Variants in ACOT1 observed in about 807,000 individuals in gnomAD.
ACOT1 encodes acyl-CoA thioesterase 1, also known as acyl-coenzyme A thioesterase 1.
In ACOT1, 8 loss-of-function variants were observed where a neutral mutation model predicts 15.7. That is an observed-to-expected ratio of 0.51 (90% CI 0.30 to 0.92). The LOEUF (loss-of-function observed/expected upper bound fraction) is 0.92. Ranked by LOEUF, ACOT1 falls within the 40% of genes least tolerant of loss-of-function variation. The pLI, the probability that ACOT1 is intolerant of heterozygous loss-of-function variation, is 0.06. For missense variants in ACOT1, 151 were observed against 539.4 expected, an observed-to-expected ratio of 0.28 and a Z score of 7.13; for synonymous variants, 67 against 241.2, an observed-to-expected ratio of 0.28 and a Z score of 6.69.
the ACOT1 span, among the ~76,000 whole-genome samples, chr14:73,524,311 ATAT>A: frequency 3.4e-3 from 181 of 52,624 alleles, no homozygotes; most frequent in Non-Finnish European, 4.9e-3. Flanking sequence ...AAAAAAAAAA[ATAT>A]ATATATATAT....
At chr14:73,509,856 A>ATT in the ACOT1 span, among the ~76,000 whole-genome samples, 18 of 61,320 alleles carry the variant, frequency 2.9e-4, 1 homozygote, top group African/African-American at 1.2e-3. Context: ...ATATATATAT[A>ATT]TATATATATA....
the ACOT1 span, chr14:73,491,630 C>A: frequency 6.5e-7 from 1 of 1,549,726 alleles, no homozygotes; most frequent in Non-Finnish European, 8.7e-7. Flanking sequence ...AGCGGCCCGC[C>A]TCTTTGAGTG....
the ACOT1 span, chr14:73,523,232 G>A: frequency 1.5e-6 from 2 of 1,364,424 alleles, no homozygotes; most frequent in Non-Finnish European, 2.0e-6. Flanking sequence ...CACCTGTTAA[G>A]GGAATGGGAG....
chr14:73,509,557 C>G, the ACOT1 span: 1 of 1,404,808 alleles, frequency 7.1e-7, no homozygotes, highest in Non-Finnish European at 1.0e-6. Flanking sequence ...CATGTGGTGG[C>G]CAACCTCAGT....
At chr14:73,530,683 C>T in the ACOT1 span, 1 of 122,768 alleles carries the variant, frequency 8.1e-6, no homozygotes, top group African/African-American at 2.7e-5. Flanking sequence ...GTCTCACTCT[C>T]CTGGAGTACA....
At chr14:73,520,717 G>A in the ACOT1 span, 1 of 765,626 alleles carries the variant, frequency 1.3e-6, no homozygotes, top group Non-Finnish European at 2.2e-6. Context: ...TGTGGGTGCT[G>A]GGTCATGAAC....
chr14:73,498,347 G>T, the ACOT1 span: 3 of 1,588,956 alleles, frequency 1.9e-6, no homozygotes, highest in Non-Finnish European at 2.6e-6. Flanking sequence ...TCCCAAAGCT[G>T]CAGAGATTAG....
the ACOT1 span, among the ~76,000 whole-genome samples, chr14:73,510,593 G>A: frequency 2.6e-5 from 4 of 152,006 alleles, no homozygotes; most frequent in South Asian, 2.1e-4. Flanking sequence ...CTGTCACCAC[G>A]CCTGGCTAAT....
At chr14:73,518,992 C>A in the ACOT1 span, 10 of 1,595,992 alleles carry the variant, frequency 6.3e-6, no homozygotes, top group Admixed American at 1.7e-5. Context: ...CCGTTATTAA[C>A]CCCTGCCTTC....
chr14:73,491,239 C>G, the ACOT1 span: 1 of 1,589,512 alleles, frequency 6.3e-7, no homozygotes, highest in Non-Finnish European at 8.6e-7. Flanking sequence ...CGGCCGACGA[C>G]CTGGGGGACG....
the ACOT1 span, among the ~76,000 whole-genome samples, chr14:73,512,599 G>A: frequency 3.3e-5 from 5 of 152,282 alleles, no homozygotes; most frequent in Non-Finnish European, 5.9e-5. Context: ...TATTCTTACT[G>A]TTAAATGAGT....
the ACOT1 span, among the ~76,000 whole-genome samples, chr14:73,496,350 TG>T: frequency 6.6e-6 from 1 of 152,218 alleles, no homozygotes; most frequent in Non-Finnish European, 1.5e-5. Flanking sequence ...ATAGTATTTC[TG>T]AAACAATGAG....
the ACOT1 span, chr14:73,509,417 A>T: frequency 1.2e-6 from 2 of 1,614,002 alleles, no homozygotes; most frequent in African/African-American, 2.7e-5. Context: ...TTCTTGTCAC[A>T]AAGAGCAGCC....
chr14:73,492,389 T>C, the ACOT1 span: 1 of 1,613,718 alleles, frequency 6.2e-7, no homozygotes, highest in Non-Finnish European at 8.5e-7. The surrounding 1 kb of genome is among the most constrained non-coding windows in gnomAD (Gnocchi z 4.9). Context: ...GCCCCGAGAC[T>C]TCATGGATTA....
chr14:73,511,982 A>C, the ACOT1 span: 6 of 1,613,462 alleles, frequency 3.7e-6, no homozygotes, highest in African/African-American at 6.7e-5. Flanking sequence ...TTATGTTCTC[A>C]AGCAGTTCAG....
the ACOT1 span, among the ~76,000 whole-genome samples, chr14:73,506,804 G>GTT: frequency 4.8e-4 from 39 of 80,480 alleles, 3 homozygotes; most frequent in East Asian, 4.0e-3. Context: ...GACTTTAACT[G>GTT]TTTTTTTTTT....
the ACOT1 span, among the ~76,000 whole-genome samples, chr14:73,509,809 CCCATATATATATATATAT>C: frequency 2.1e-3 from 11 of 5,190 alleles, 2 homozygotes; most frequent in Non-Finnish European, 2.9e-3. Flanking sequence ...GCCCCATGAG[CCCATATATATATATATAT>C]ATATATATAT....
chr14:73,535,462 CTTCTTTCTTTTTTTTTTTTT>C (rs1888826316), upstream of ACOT1, among the ~76,000 whole-genome samples: 25 of 59,330 alleles, frequency 4.2e-4, 7 homozygotes, highest in South Asian at 6.4e-4. Context: ...TTTTCTTTTT[CTTCTTTCTTTTTTTTTTTTT>C]TTTTTTTTTT....
chr14:73,503,602 CCTCAAAAGCAT>C, the ACOT1 span, among the ~76,000 whole-genome samples: 3 of 152,110 alleles, frequency 2.0e-5, no homozygotes, highest in African/African-American at 7.2e-5. Context: ...TTAGGATTTA[CCTCAAAAGCAT>C]CTCCTTCCTA....
Sources: allele counts gnomAD v4.1 joint callset (sites outside exome capture counted in the v4.1 genomes callset), GRCh38; gene constraint gnomAD v4.1.1; non-coding constraint Gnocchi (gnomAD v3.1); transcripts MANE v1.5; gene names NCBI Gene and HGNC (gene_info 2026-07-23, HGNC 2026-07-21).